The following SLAIN1 variants were observed in gnomAD, a reference collection of about 807,000 sequenced individuals.
SLAIN1 encodes the protein SLAIN family member 1.
Under a neutral mutation model 55.4 loss-of-function variants are expected in SLAIN1, and 17 were observed. The ratio of observed to expected loss-of-function variants is 0.31; its 90% CI spans 0.21 to 0.46. The LOEUF is 0.46. SLAIN1 is among the 20% of genes least tolerant of loss of function. The pLI, the probability that SLAIN1 is intolerant of heterozygous loss-of-function variation, is 1.00. For missense variants in SLAIN1, 682 were observed against 785.1 expected, an observed-to-expected ratio of 0.87 and a Z score of 1.57; for synonymous variants, 348 against 337.4, an observed-to-expected ratio of 1.03 and a Z score of -0.35.
At chr13:77,699,153 T>G in intron 1 of SLAIN1, 1 of 1,218,908 alleles carries the variant, frequency 8.2e-7, no homozygotes, top group South Asian at 1.4e-5. Context: ...CTTTTTAAAA[T>G]GGGGTGACCT....
At chr13:77,757,559 A>G (rs1161759674) in intron 5 of SLAIN1, among the ~76,000 whole-genome samples, 1 of 151,854 alleles carries the variant, frequency 6.6e-6, no homozygotes, top group African/African-American at 2.4e-5. Context: ...ACTGTACCCA[A>G]TATGTAGTTT....
rs1875226758 is a variant in SLAIN1, at chr13:77,763,532, ATGAGTTTTTTAAAGTAACTTGTTCAAT to A, written c.*314_*340del. 3.9e-6 allele frequency: 1 copy of A among 259,060 alleles called. No individual in the cohort carries two copies. Among genetic ancestry groups the A allele is most frequent in the East Asian group, 7.6e-5 (1 of 13,124 alleles). The allele number at this position is 259,060 out of a possible 1,614,324, so 16.0% of individuals were successfully genotyped here. On this transcript the variant is annotated 3_prime_UTR_variant, in exon 7 of 7. Transcript: ENST00000418532. ...AGATGTATCAATAATGCTTTGCCATATGAGTTTTTTAAAGTAACTTGTTCAATTTACTCACGTGTTCTAAACATCTTT... is the reference window on the plus strand; with the variant it reads ...AGATGTATCAATAATGCTTTGCCATATTACTCACGTGTTCTAAACATCTTT...
intron 1 of SLAIN1, among the ~76,000 whole-genome samples, chr13:77,712,141 C>A (rs1594256019): frequency 6.6e-6 from 1 of 152,306 alleles, no homozygotes; most frequent in Non-Finnish European, 1.5e-5. Flanking sequence ...TGGAAGCATT[C>A]CTTTTGAAAA....
chr13:77,699,144 T>C (rs1490642070), intron 1 of SLAIN1: 6 of 1,326,742 alleles, frequency 4.5e-6, no homozygotes, highest in Non-Finnish European at 5.2e-6. Context: ...ACTGACTTGC[T>C]TTTTAAAATG....
At position 77,760,998 on chromosome 13, in the gene SLAIN1, C is replaced by T; in HGVS notation, c.1585C>T (p.Pro529Ser). ...QLYSNTGIPT[P>S]NKAAASGIMG... ...GTATTCCAACACAGGAATCCCCACA[C>T]CGAACAAAGCTGCAGCTTCTGGGAT... The change falls in exon 6 of 7, where the codon CCG becomes TCG. Residue 529 changes from proline (P) to serine (S), a missense_variant. Coordinates refer to ENST00000418532, the MANE Select transcript of SLAIN1 (RefSeq NM_001242868.2). The T allele has an allele frequency of 1.2e-6, 2 of 1,614,182 alleles. No homozygotes were observed. The highest frequency in any genetic ancestry group is 1.7e-6 in the Non-Finnish European group (2 of 1,180,018).
chr13:77,732,862 C>T (rs1365384181), intron 2 of SLAIN1, among the ~76,000 whole-genome samples: 1 of 152,034 alleles, frequency 6.6e-6, no homozygotes, highest in Non-Finnish European at 1.5e-5. Flanking sequence ...CTTCCCCTTT[C>T]TGACCTTTAT....
intron 1 of SLAIN1, among the ~76,000 whole-genome samples, chr13:77,703,741 G>A (rs968356653): frequency 6.6e-5 from 10 of 151,758 alleles, no homozygotes; most frequent in African/African-American, 2.2e-4. Flanking sequence ...CACTGTTACA[G>A]AGAACTAAAG....
Position 77,763,215 on chromosome 13 carries a change from T to C in SLAIN1, c.1768T>C (p.Tyr590His). ...LRDGNWRDGCY is the reference protein window; with the variant it reads ...LRDGNWRDGCH ...GGATGGAAATTGGAGAGATGGTTGC[T>C]ACTAATGCAGTTTTATGTACCCTTG... The change falls in exon 7 of 7, where the codon TAC becomes CAC. Residue 590 changes from tyrosine to histidine, a missense_variant. Transcript: ENST00000418532. The C allele has an allele frequency of 6.2e-7, 1 of 1,613,608 alleles. No homozygotes were observed. Among genetic ancestry groups the C allele is most frequent in the African/African-American group, 1.3e-5 (1 of 75,058 alleles).
chr13:77,754,382 C>T (rs538475661), intron 5 of SLAIN1, among the ~76,000 whole-genome samples: 6 of 152,274 alleles, frequency 3.9e-5, no homozygotes, highest in Non-Finnish European at 5.9e-5. Context: ...GTTCTACCAA[C>T]AACTCTATGA....
At chr13:77,752,711 T>G (rs1166545672) in intron 4 of SLAIN1, among the ~76,000 whole-genome samples, 1 of 152,172 alleles carries the variant, frequency 6.6e-6, no homozygotes, top group Non-Finnish European at 1.5e-5. Context: ...GGCAAACCAC[T>G]GATGTAAGTC....
In SLAIN1 at chr13:77,761,532, G is replaced by A. The variant is rs555673250; in HGVS notation, c.1697+422G>A. 5.9e-5 allele frequency among the ~76,000 whole-genome samples: 9 copies of A among 152,270 alleles called. No homozygotes were observed. The South Asian group carries it at 1.9e-3, about 32-fold the overall frequency. ...CATTGCTGTGTATCCCCGATGCCAAGAACTATGCCCAATACAGGTAGGATC... is the reference window on the plus strand; with the variant it reads ...CATTGCTGTGTATCCCCGATGCCAAAAACTATGCCCAATACAGGTAGGATC... On this transcript the variant is annotated intron_variant, in intron 6 of 6. Transcript: ENST00000418532.
chr13:77,699,028 G>A, intron 1 of SLAIN1: 1 of 1,535,394 alleles, frequency 6.5e-7, no homozygotes, highest in Non-Finnish European at 8.7e-7. Flanking sequence ...ATCGGAAGCC[G>A]CGCAGTGATG....
In SLAIN1 at chr13:77,697,936, G is replaced by A. The variant is rs1447288825; in HGVS notation, c.23G>A (p.Cys8Tyr). The A allele has an allele frequency of 2.1e-6, 3 of 1,420,852 alleles. No homozygotes were observed. In the East Asian group the frequency reaches 1.0e-4, roughly 48 times the overall value. The allele number at this position is 1,420,852 out of a possible 1,614,324, so 88.0% of individuals were successfully genotyped here. ...ACGATGATGGCGGAGCAGGTGAAATGCGCCTCGGCAGGGGTCAGCTCTGGA... is the reference window on the plus strand; with the variant it reads ...ACGATGATGGCGGAGCAGGTGAAATACGCCTCGGCAGGGGTCAGCTCTGGA... MMAEQVKCASAGVSSGAG... is the reference protein window; with the variant it reads MMAEQVKYASAGVSSGAG... Residue 8 changes from cysteine to tyrosine, a missense_variant, in exon 1 of 7, where the codon TGC becomes TAC. Cys to Tyr is a radical substitution (Grantham distance 194, BLOSUM62 -2). Around this residue, in one of 3 missense-constraint regions of SLAIN1, gnomAD observed 401 missense variants for 417.3 expected, o/e 0.96. Transcript: ENST00000418532.
intron 1 of SLAIN1, among the ~76,000 whole-genome samples, chr13:77,717,847 T>TAACAACTTA (rs1262633771): frequency 1.3e-5 from 2 of 152,184 alleles, no homozygotes; most frequent in Non-Finnish European, 2.9e-5. Flanking sequence ...CAATTTGTCT[T>TAACAACTTA]AACAAGATGT....
At position 77,698,131 on chromosome 13, in the gene SLAIN1, C is replaced by T. The variant is rs1178394146; in HGVS notation, c.218C>T (p.Ala73Val). The T allele has an allele frequency of 1.6e-6, 1 of 630,954 alleles. No individual in the cohort carries two copies. Among genetic ancestry groups the T allele is most frequent in the Non-Finnish European group, 1.8e-6 (1 of 558,302 alleles). The allele number at this position is 630,954 out of a possible 1,614,324, so 39.1% of individuals were successfully genotyped here. Residue 73 changes from alanine (A) to valine (V), a missense_variant, in exon 1 of 7, where the codon GCT (alanine) becomes GTT (valine). Physicochemically the swap from Ala to Val is moderately conservative, Grantham distance 64. This residue lies in a region of SLAIN1 where 401 missense variants were observed against 417.3 expected (regional missense o/e 0.96). Transcript: ENST00000418532. This position sits in a 1 kb window ranked among gnomAD's most constrained non-coding sequence, Gnocchi z 4.1. Reference sequence around the variant, plus strand: ...CCGCCGCCCGCCGCGCCGCCCCCCGCTGGCCTGCAGCCTTTGGGTCCTCGG... The same window carrying T: ...CCGCCGCCCGCCGCGCCGCCCCCCGTTGGCCTGCAGCCTTTGGGTCCTCGG... Reference protein sequence around the residue: ...PPPPPAAPPPAGLQPLGPRSP... With the variant: ...PPPPPAAPPPVGLQPLGPRSP...
intron 1 of SLAIN1, among the ~76,000 whole-genome samples, chr13:77,699,616 G>A (rs1476268271): frequency 2.0e-5 from 3 of 152,210 alleles, no homozygotes; most frequent in South Asian, 2.1e-4. Context: ...GGGAACTGCA[G>A]TGTTCCTTTT....
rs1196915837 is a variant in SLAIN1, at chr13:77,746,929, T to A, written c.1258+74T>A. 6 of 1,300,430 alleles carry A rather than the reference T, an allele frequency of 4.6e-6. No individual in the cohort carries two copies. In the East Asian group the frequency reaches 1.2e-4, roughly 26 times the overall value. 80.6% of individuals were successfully genotyped at this position (1,300,430 alleles called of 1,614,324 possible). A position where few individuals can be genotyped will look rare whatever the true frequency, so the allele number is the denominator to read the frequency against. On this transcript the variant is annotated intron_variant, in intron 4 of 6. Transcript: ENST00000418532. ...TGTGGTCAAGAAATGGTTTTTGTGTTTTTGTTTTTGTTTTTGAGACAGAAT... is the reference window on the plus strand; with the variant it reads ...TGTGGTCAAGAAATGGTTTTTGTGTATTTGTTTTTGTTTTTGAGACAGAAT...
intron 1 of SLAIN1, among the ~76,000 whole-genome samples, chr13:77,702,120 G>C (rs923888814): frequency 1.3e-5 from 2 of 150,812 alleles, no homozygotes; most frequent in Admixed American, 1.3e-4. Context: ...TGGCTGCATA[G>C]TATTCCATGG....
At position 77,746,735 on chromosome 13, in the gene SLAIN1, A is replaced by G. The variant is rs771392952; in HGVS notation, c.1138A>G (p.Ile380Val). The G allele has an allele frequency of 9.9e-6, 16 of 1,613,898 alleles. No homozygotes were observed. The South Asian group carries it at 1.1e-4, about 11-fold the overall frequency. ...GIPHSQTFSSIRECRRSPSSQ... is the reference protein window; with the variant it reads ...GIPHSQTFSSVRECRRSPSSQ... The stretch of plus-strand genomic sequence containing the variant: ...TCCCCATTCACAGACTTTCTCCAGC[A>G]TTCGGGAGTGTAGGAGGAGCCCCAG... The change falls in exon 4 of 7, where the codon ATT (isoleucine) becomes GTT (valine). Residue 380 changes from isoleucine to valine, a missense_variant. Physicochemically the swap from Ile to Val is conservative, Grantham distance 29. Coordinates refer to ENST00000418532, the MANE Select transcript of SLAIN1 (RefSeq NM_001242868.2).
Sources: allele counts gnomAD v4.1 joint callset (sites outside exome capture counted in the v4.1 genomes callset), GRCh38; gene constraint gnomAD v4.1.1; regional missense constraint gnomAD v4.1.1; non-coding constraint Gnocchi (gnomAD v3.1); transcripts MANE v1.5; gene names NCBI Gene and HGNC (gene_info 2026-07-23, HGNC 2026-07-21).